Variants in SPAG16 observed in about 807,000 individuals in gnomAD.
The protein encoded by SPAG16 is sperm associated antigen 16.
SPAG16 carries 86 observed loss-of-function variants against 80.4 expected under a neutral mutation model. The observed-to-expected ratio is 1.07, with a 90% CI of 0.90 to 1.28. The LOEUF (loss-of-function observed/expected upper bound fraction) is 1.28. Among genes scored for constraint, SPAG16 ranks in the 50% most tolerant of loss-of-function variants. The pLI is 0.00. For missense variants in SPAG16, 870 were observed against 765.3 expected (o/e 1.14, Z -1.61); for synonymous variants, 294 against 265.9 (o/e 1.11, Z -1.03).
At chr2:213,468,571 A>C (rs982046289) in intron 9 of SPAG16, among the ~76,000 whole-genome samples, 2 of 143,662 alleles carry the variant, frequency 1.4e-5, no homozygotes, top group African/African-American at 5.2e-5. Flanking sequence ...AGATATATAT[A>C]TCTATGTATT....
At chr2:214,079,064 T>C (rs560728048) in intron 13 of SPAG16, among the ~76,000 whole-genome samples, 11 of 152,188 alleles carry the variant, frequency 7.2e-5, no homozygotes, top group Non-Finnish European at 1.6e-4. Context: ...TCAGAATCTC[T>C]GCCCTTCCAT....
At chr2:213,779,263 T>A (rs1282164205) in intron 10 of SPAG16, among the ~76,000 whole-genome samples, 1 of 152,238 alleles carries the variant, frequency 6.6e-6, no homozygotes, top group Non-Finnish European at 1.5e-5. Context: ...TACATTAGAA[T>A]TGATAACAGT....
intron 11 of SPAG16, among the ~76,000 whole-genome samples, chr2:213,894,982 C>A (rs1275057727): frequency 1.5e-5 from 1 of 65,960 alleles, no homozygotes; most frequent in African/African-American, 5.7e-5. Flanking sequence ...AACAAGGCTC[C>A]ATCTCAAAAA....
chr2:213,856,615 C>T (rs1414673973), intron 10 of SPAG16, among the ~76,000 whole-genome samples: 2 of 152,154 alleles, frequency 1.3e-5, no homozygotes, highest in African/African-American at 4.8e-5. Flanking sequence ...TCCCAAACCT[C>T]AATTCTTGAC....
At chr2:213,950,571 G>T (rs2079702888) in intron 12 of SPAG16, among the ~76,000 whole-genome samples, 1 of 151,958 alleles carries the variant, frequency 6.6e-6, no homozygotes, top group African/African-American at 2.4e-5. Context: ...TGTACTTTAA[G>T]ATTATTTTAC....
intron 12 of SPAG16, among the ~76,000 whole-genome samples, chr2:213,952,346 A>G (rs1401571723): frequency 2.0e-5 from 3 of 152,028 alleles, no homozygotes; most frequent in Admixed American, 1.3e-4. Flanking sequence ...GGAGACGTTT[A>G]TAGAGATTTT....
intron 9 of SPAG16, among the ~76,000 whole-genome samples, chr2:213,412,632 TTG>T (rs199654201): frequency 0.013 from 1,967 of 149,852 alleles, 40 homozygotes; most frequent in African/African-American, 0.046. Context: ...TTATTTTTTT[TTG>T]TTTGTTTGGC....
intron 9 of SPAG16, among the ~76,000 whole-genome samples, chr2:213,471,853 T>C (rs947848327): frequency 6.6e-6 from 1 of 152,214 alleles, no homozygotes; most frequent in Non-Finnish European, 1.5e-5. Context: ...TGTGCCTCTT[T>C]CTTGGTTGTA....
intron 11 of SPAG16, among the ~76,000 whole-genome samples, chr2:213,918,012 A>T (rs2078046197): frequency 6.6e-6 from 1 of 152,178 alleles, no homozygotes; most frequent in Non-Finnish European, 1.5e-5. Flanking sequence ...ACTTTTCTGC[A>T]TCTATTGAGA....
In SPAG16 at chr2:214,399,356, G is replaced by A. The variant is rs115512207; in HGVS notation, c.1721-10784G>A. ...CTATAACTATTAATGGTGTAGTGATGCTGATTTATCACTTAGCCTCTTTTA... is the reference window on the plus strand; with the variant it reads ...CTATAACTATTAATGGTGTAGTGATACTGATTTATCACTTAGCCTCTTTTA... On this transcript the variant is annotated intron_variant, in intron 15 of 15. Coordinates refer to ENST00000331683, the MANE Select transcript of SPAG16 (RefSeq NM_024532.5). 9.2e-3 allele frequency among the ~76,000 whole-genome samples: 1,403 copies of A among 152,034 alleles called. 29 individuals carry two copies. The highest frequency in any genetic ancestry group is 0.032 in the African/African-American group (1,325 of 41,494).
At chr2:213,622,905 T>G (rs2061836900) in intron 10 of SPAG16, among the ~76,000 whole-genome samples, 1 of 152,220 alleles carries the variant, frequency 6.6e-6, no homozygotes, top group African/African-American at 2.4e-5. Flanking sequence ...CTTTCATTAT[T>G]GATGCATCGA....
rs544833699 is a variant in SPAG16, at chr2:214,177,585, T to C, written c.1720+28319T>C. Among the ~76,000 whole-genome samples the C allele has an allele frequency of 1.3e-4, 20 of 150,924 alleles. No homozygotes were observed. In the South Asian group the frequency reaches 4.2e-3, roughly 31 times the overall value. ...TCCCAACTCTATTTTTTAGGCGAAATAAATTCTTTTGTCATCTTTGTAAGA... is the reference window on the plus strand; with the variant it reads ...TCCCAACTCTATTTTTTAGGCGAAACAAATTCTTTTGTCATCTTTGTAAGA... On this transcript the variant is annotated intron_variant, in intron 15 of 15. Coordinates refer to ENST00000331683, the MANE Select transcript of SPAG16 (RefSeq NM_024532.5).
At chr2:213,660,262 T>G (rs1012551607) in intron 10 of SPAG16, among the ~76,000 whole-genome samples, 3 of 151,132 alleles carry the variant, frequency 2.0e-5, no homozygotes, top group African/African-American at 7.4e-5. Flanking sequence ...GAGTGGCTAT[T>G]AGTGTTGTTG....
intron 15 of SPAG16, among the ~76,000 whole-genome samples, chr2:214,215,105 C>G (rs2058394377): frequency 6.6e-6 from 1 of 152,004 alleles, no homozygotes; most frequent in Admixed American, 6.6e-5. Context: ...CAGAAAAAGA[C>G]ATTGCCAGAA....
At chr2:213,693,000 A>G (rs780256693) in intron 10 of SPAG16, among the ~76,000 whole-genome samples, 15 of 152,206 alleles carry the variant, frequency 9.9e-5, no homozygotes, top group Non-Finnish European at 1.9e-4. Context: ...CTTTTTGAAC[A>G]TATAACTGGA....
chr2:213,513,298 C>T (rs1351328906), intron 10 of SPAG16, among the ~76,000 whole-genome samples: 1 of 152,178 alleles, frequency 6.6e-6, no homozygotes, highest in African/African-American at 2.4e-5. Flanking sequence ...CATATTCTAC[C>T]TTCAATGAAT....
chr2:214,133,717 G>A (rs2054903532), intron 14 of SPAG16, among the ~76,000 whole-genome samples: 1 of 152,064 alleles, frequency 6.6e-6, no homozygotes, highest in South Asian at 2.1e-4. Context: ...GGGTTGAAGT[G>A]AGGAAGTTCA....
intron 11 of SPAG16, among the ~76,000 whole-genome samples, chr2:213,892,489 A>T (rs1375230913): frequency 6.6e-6 from 1 of 152,198 alleles, no homozygotes; most frequent in African/African-American, 2.4e-5. Context: ...CTCCAATGAG[A>T]TGGCAATATG....
At chr2:213,981,581 A>T (rs2045747085) in intron 12 of SPAG16, among the ~76,000 whole-genome samples, 1 of 152,100 alleles carries the variant, frequency 6.6e-6, no homozygotes, top group African/African-American at 2.4e-5. Flanking sequence ...CTCATTAAAG[A>T]GATTAATAGC....
Sources: allele counts gnomAD v4.1 joint callset (sites outside exome capture counted in the v4.1 genomes callset), GRCh38; gene constraint gnomAD v4.1.1; transcripts MANE v1.5; gene names NCBI Gene and HGNC (gene_info 2026-07-23, HGNC 2026-07-21).